The following SLC36A1 variants were observed in gnomAD, a reference collection of about 807,000 sequenced individuals.
SLC36A1 encodes solute carrier family 36 member 1, also known as proton-coupled amino acid transporter 1.
A neutral mutation model predicts 47.5 loss-of-function variants in SLC36A1; 30 were observed. The observed-to-expected ratio is 0.63, with a 90% CI of 0.47 to 0.86. SLC36A1 has a LOEUF of 0.86. Among genes scored for constraint, SLC36A1 ranks in the 40% least tolerant of loss-of-function variants. The pLI, the probability that SLC36A1 is intolerant of heterozygous loss-of-function variation, is 0.00. For synonymous variants in SLC36A1, 255 were observed against 249.7 expected, an observed-to-expected ratio of 1.02 and a Z score of -0.20; for missense variants, 517 against 606.0, an observed-to-expected ratio of 0.85 and a Z score of 1.54.
chr5:151,532,062 A>AG, the SLC36A1 span: 1 of 1,509,264 alleles, frequency 6.6e-7, no homozygotes, highest in Non-Finnish European at 9.0e-7. Context: ...GGGGCTGGGG[A>AG]GGGGCTCCCA....
At chr5:151,554,363 G>A in the SLC36A1 span, 50 of 1,612,672 alleles carry the variant, frequency 3.1e-5, no homozygotes, top group East Asian at 1.8e-4. Context: ...TCTGCTCACC[G>A]TTAGGATGTT....
upstream of SLC36A1, among the ~76,000 whole-genome samples, chr5:151,436,350 C>T (rs1759777418): frequency 6.6e-6 from 1 of 152,126 alleles, no homozygotes; most frequent in South Asian, 2.1e-4. Context: ...ATGTATTCTA[C>T]TCTTTCTAGC....
intron 1 of SLC36A1, among the ~76,000 whole-genome samples, chr5:151,440,078 T>G (rs1752534837): frequency 6.6e-6 from 1 of 152,204 alleles, no homozygotes; most frequent in South Asian, 2.1e-4. Context: ...AGGAGTTTCA[T>G]GAGTGTGAAT....
chr5:151,502,298 TGA>T, the SLC36A1 span, among the ~76,000 whole-genome samples: 4 of 137,850 alleles, frequency 2.9e-5, no homozygotes, highest in Non-Finnish European at 5.9e-5. Context: ...GGCAACAGAG[TGA>T]GACTCTGTCA....
the SLC36A1 span, chr5:151,521,628 G>A: frequency 3.7e-6 from 6 of 1,614,136 alleles, no homozygotes; most frequent in Non-Finnish European, 5.1e-6. Flanking sequence ...GCTTATGGCT[G>A]AGGAACCTCT....
At chr5:151,370,661 T>TGAAA in the SLC36A1 span, among the ~76,000 whole-genome samples, 1 of 152,236 alleles carries the variant, frequency 6.6e-6, no homozygotes, top group African/African-American at 2.4e-5. Context: ...TGTACTTTCT[T>TGAAA]ACTCAATATC....
intron 10 of SLC36A1, among the ~76,000 whole-genome samples, chr5:151,481,056 C>T (rs1758728946): frequency 6.6e-6 from 1 of 152,234 alleles, no homozygotes; most frequent in South Asian, 2.1e-4. Flanking sequence ...ATATGTCACA[C>T]TTCCTGCCAG....
At chr5:151,416,113 CAAAAA>C in the SLC36A1 span, among the ~76,000 whole-genome samples, 1 of 152,024 alleles carries the variant, frequency 6.6e-6, no homozygotes, top group African/African-American at 2.4e-5. Flanking sequence ...AATTCCATCT[CAAAAA>C]ATAACAACAA....
At chr5:151,531,737 T>C in the SLC36A1 span, 1 of 1,613,578 alleles carries the variant, frequency 6.2e-7, no homozygotes, top group Non-Finnish European at 8.5e-7. The surrounding 1 kb of genome is among the most constrained non-coding windows in gnomAD (Gnocchi z 5.7). Context: ...CTGTGCTCGG[T>C]GTTCAGGAAC....
At chr5:151,525,980 G>A in the SLC36A1 span, 1 of 1,612,840 alleles carries the variant, frequency 6.2e-7, no homozygotes, top group Non-Finnish European at 8.5e-7. Flanking sequence ...GACCGAGAGT[G>A]ACAAAGAAGG....
the SLC36A1 span, among the ~76,000 whole-genome samples, chr5:151,345,285 G>A: frequency 6.6e-6 from 1 of 152,114 alleles, no homozygotes; most frequent in Non-Finnish European, 1.5e-5. Context: ...AACAACAGAG[G>A]TACTCTGAAA....
In SLC36A1 at chr5:151,490,965, G is replaced by A. The variant is rs1423451459; in HGVS notation, c.*2711G>A. The stretch of plus-strand genomic sequence containing the variant: ...AGAAATATGATCACAGAGCAACGGA[G>A]CAAAGGCTTTCGGGAGTGTGAGGCT... On this transcript the variant is annotated 3_prime_UTR_variant, in exon 11 of 11. Coordinates refer to ENST00000243389, the MANE Select transcript of SLC36A1 (RefSeq NM_078483.4). The A allele has an allele frequency of 6.6e-6, 1 of 152,396 alleles. No individual in the cohort carries two copies. Among genetic ancestry groups the A allele is most frequent in the African/African-American group, 2.4e-5 (1 of 41,458 alleles). 9.4% of individuals were successfully genotyped at this position (152,396 alleles called of 1,614,324 possible).
chr5:151,475,844 G>C (rs1757975689), intron 8 of SLC36A1, among the ~76,000 whole-genome samples: 1 of 152,240 alleles, frequency 6.6e-6, no homozygotes, highest in Non-Finnish European at 1.5e-5. Context: ...CTTATTAGCT[G>C]TGCCAGATCC....
chr5:151,439,429 C>T (rs1752493322), intron 1 of SLC36A1, among the ~76,000 whole-genome samples: 1 of 151,980 alleles, frequency 6.6e-6, no homozygotes, highest in South Asian at 2.1e-4. Context: ...CCAAGGTGGG[C>T]AGATCATGAT....
chr5:151,387,016 C>T, the SLC36A1 span: 1 of 152,380 alleles, frequency 6.6e-6, no homozygotes, highest in East Asian at 1.9e-4. Flanking sequence ...CTCCTGGGGC[C>T]TGGTGGAGGG....
chr5:151,389,145 C>T, the SLC36A1 span, among the ~76,000 whole-genome samples: 4 of 152,116 alleles, frequency 2.6e-5, no homozygotes, highest in African/African-American at 7.2e-5. Context: ...ACTGTCTGGC[C>T]TGGTTACAAT....
At chr5:151,408,977 T>TTTTTC in the SLC36A1 span, among the ~76,000 whole-genome samples, 1 of 150,566 alleles carries the variant, frequency 6.6e-6, no homozygotes, top group African/African-American at 2.4e-5. Context: ...GGTGATTTTT[T>TTTTTC]TTTTCTTTTC....
chr5:151,470,395 G>A (rs1209312630), intron 7 of SLC36A1, among the ~76,000 whole-genome samples: 1 of 152,170 alleles, frequency 6.6e-6, no homozygotes, highest in Non-Finnish European at 1.5e-5. Context: ...CCAACCAACT[G>A]GTAGTATCCA....
chr5:151,509,298 G>C, the SLC36A1 span, among the ~76,000 whole-genome samples: 2 of 152,244 alleles, frequency 1.3e-5, no homozygotes, highest in Non-Finnish European at 1.5e-5. Flanking sequence ...AGTATGTTCA[G>C]AATAGGGCTG....
Sources: allele counts gnomAD v4.1 joint callset (sites outside exome capture counted in the v4.1 genomes callset), GRCh38; gene constraint gnomAD v4.1.1; non-coding constraint Gnocchi (gnomAD v3.1); transcripts MANE v1.5; gene names NCBI Gene and HGNC (gene_info 2026-07-23, HGNC 2026-07-21).